Variants in MRPL1 observed in about 807,000 individuals in gnomAD.
MRPL1 encodes the protein mitochondrial ribosomal protein L1.
In MRPL1, 28 loss-of-function variants were observed where a neutral mutation model predicts 38.0. The ratio of observed to expected loss-of-function variants is 0.74; its 90% CI spans 0.55 to 1.01. The LOEUF (loss-of-function observed/expected upper bound fraction) is 1.01, where lower values mean the gene tolerates loss of function less well. MRPL1 is among the 50% of genes least tolerant of loss of function. The pLI, the probability that MRPL1 is intolerant of heterozygous loss-of-function variation, is 0.00. For synonymous variants in MRPL1, 123 were observed against 126.7 expected, an observed-to-expected ratio of 0.97 and a Z score of 0.20; for missense variants, 358 against 389.8, an observed-to-expected ratio of 0.92 and a Z score of 0.69.
intron 7 of MRPL1, among the ~76,000 whole-genome samples, chr4:77,931,338 C>T (rs1216854122): frequency 2.0e-5 from 3 of 152,232 alleles, no homozygotes; most frequent in African/African-American, 7.2e-5. Flanking sequence ...GGGGTTGATC[C>T]TGCCTGCTGC....
intron 1 of MRPL1, among the ~76,000 whole-genome samples, chr4:77,865,725 C>T (rs778862602): frequency 4.6e-5 from 7 of 152,272 alleles, no homozygotes; most frequent in South Asian, 4.1e-4. Flanking sequence ...GTTGGCTTTA[C>T]GCTTAAAATA....
chr4:77,952,045 A>G (rs1737423805), intron 8 of MRPL1, among the ~76,000 whole-genome samples: 1 of 152,228 alleles, frequency 6.6e-6, no homozygotes, highest in Non-Finnish European at 1.5e-5. Context: ...CAGTGAGGCA[A>G]CCATATTTGT....
intron 2 of MRPL1, among the ~76,000 whole-genome samples, chr4:77,877,366 G>GCCAT (rs1433873538): frequency 1.3e-5 from 2 of 152,034 alleles, no homozygotes; most frequent in Non-Finnish European, 2.9e-5. Flanking sequence ...TTTTGTTGTT[G>GCCAT]CCATGGTTAC....
At chr4:77,897,026 T>C (rs937300761) in intron 6 of MRPL1, among the ~76,000 whole-genome samples, 2 of 152,158 alleles carry the variant, frequency 1.3e-5, no homozygotes, top group South Asian at 4.1e-4. Context: ...CTAATCCTAT[T>C]TATAAATTAG....
At position 77,889,072 on chromosome 4, in the gene MRPL1, C is replaced by T. The variant is rs144483005; in HGVS notation, c.558+1781C>T. On this transcript the variant is annotated intron_variant, in intron 5 of 8. Transcript: ENST00000315567. ...ACACTGTCAACATTAGACACATCAA[C>T]GAGACAGAAAGTTAACAAGGATATC... 6.4e-3 allele frequency among the ~76,000 whole-genome samples: 975 copies of T among 152,248 alleles called. 8 individuals are homozygous for T. Among genetic ancestry groups the T allele is most frequent in the Non-Finnish European group, 0.01 (681 of 68,030 alleles).
chr4:77,872,841 C>T (rs778764628), intron 2 of MRPL1, among the ~76,000 whole-genome samples: 9 of 152,048 alleles, frequency 5.9e-5, no homozygotes, highest in Non-Finnish European at 1.3e-4. Context: ...CCAGCCTGGG[C>T]GACAGAGTGA....
intron 7 of MRPL1, among the ~76,000 whole-genome samples, chr4:77,917,314 G>A (rs970614523): frequency 1.3e-5 from 2 of 152,006 alleles, no homozygotes; most frequent in African/African-American, 4.8e-5. Flanking sequence ...ATTGACAAGA[G>A]CCATGATCAT....
intron 7 of MRPL1, among the ~76,000 whole-genome samples, chr4:77,927,208 T>C (rs1736734329): frequency 6.6e-6 from 1 of 152,342 alleles, no homozygotes; most frequent in East Asian, 1.9e-4. Flanking sequence ...CTAATTAATT[T>C]TAGTTACAGA....
chr4:77,911,654 C>A (rs1397820480), intron 7 of MRPL1, among the ~76,000 whole-genome samples: 3 of 151,998 alleles, frequency 2.0e-5, no homozygotes, highest in African/African-American at 7.2e-5. Flanking sequence ...TATGTACCTT[C>A]TAAGCTAGGA....
chr4:77,887,476 C>A (rs1351996144), intron 5 of MRPL1, among the ~76,000 whole-genome samples, 185 bp downstream of exon 5: 1 of 152,110 alleles, frequency 6.6e-6, no homozygotes, highest in Admixed American at 6.6e-5. Context: ...AGAAAACTAT[C>A]CAGACAGTCT....
At chr4:77,874,001 C>CTTT (rs1184872676) in intron 2 of MRPL1, among the ~76,000 whole-genome samples, 1 of 139,692 alleles carries the variant, frequency 7.2e-6, no homozygotes, top group African/African-American at 2.6e-5. Context: ...ATATTGCCTG[C>CTTT]TTTTTTTTTT....
chr4:77,946,198 G>A (rs1461513449), intron 7 of MRPL1, among the ~76,000 whole-genome samples: 10 of 152,092 alleles, frequency 6.6e-5, no homozygotes, highest in Non-Finnish European at 1.5e-4. Context: ...AAAGAATTGA[G>A]CGATATTGTT....
intron 1 of MRPL1, among the ~76,000 whole-genome samples, chr4:77,863,610 G>A (rs1231367954): frequency 6.6e-6 from 1 of 151,882 alleles, no homozygotes; most frequent in South Asian, 2.1e-4. Context: ...GAGACTACAG[G>A]CGTGTGCCAC....
intron 5 of MRPL1, among the ~76,000 whole-genome samples, chr4:77,892,127 C>T (rs1342147238): frequency 4.1e-5 from 6 of 145,046 alleles, no homozygotes; most frequent in Non-Finnish European, 4.6e-5. Flanking sequence ...GTAGTCATTT[C>T]TTTTTTTTTT....
At chr4:77,938,755 C>T (rs768100345) in intron 7 of MRPL1, among the ~76,000 whole-genome samples, 111 of 152,142 alleles carry the variant, frequency 7.3e-4, no homozygotes, top group Non-Finnish European at 1.9e-4. Context: ...TGGTTGCTCT[C>T]CACCTCAGCA....
At chr4:77,863,878 A>G (rs952045434) in intron 1 of MRPL1, among the ~76,000 whole-genome samples, 5 of 152,148 alleles carry the variant, frequency 3.3e-5, no homozygotes, top group African/African-American at 7.2e-5. Context: ...CCCATTTTAC[A>G]GAGGAAGAAA....
intron 5 of MRPL1, among the ~76,000 whole-genome samples, chr4:77,892,910 T>G (rs1198254438): frequency 6.6e-6 from 1 of 152,218 alleles, no homozygotes; most frequent in African/African-American, 2.4e-5. Flanking sequence ...TGTTCTAAAT[T>G]ATATTAAATA....
intron 7 of MRPL1, among the ~76,000 whole-genome samples, chr4:77,936,236 G>T (rs1386032839): frequency 6.6e-6 from 1 of 150,704 alleles, no homozygotes; most frequent in East Asian, 2.0e-4. Flanking sequence ...ACTGTATCTT[G>T]AACACTTTCC....
chr4:77,869,164 T>C (rs988878820), intron 1 of MRPL1, among the ~76,000 whole-genome samples: 1 of 152,128 alleles, frequency 6.6e-6, no homozygotes, highest in South Asian at 2.1e-4. Flanking sequence ...GAGAAGGCAG[T>C]ATAGGACTGA....
Sources: gnomAD v4.1 joint callset for allele counts (sites outside exome capture counted in the v4.1 genomes callset) on GRCh38, gnomAD v4.1.1 for gene constraint, MANE v1.5 for transcripts, NCBI Gene and HGNC (gene_info 2026-07-23, HGNC 2026-07-21) for gene names.